ARHGAP15: variants seen among roughly 807,000 people sequenced by gnomAD.
ARHGAP15 encodes the protein rho GTPase-activating protein 15.
In ARHGAP15, 51 loss-of-function variants were observed where a neutral mutation model predicts 63.7. The ratio of observed to expected loss-of-function variants is 0.80; its 90% confidence interval spans 0.64 to 1.01. ARHGAP15 has a LOEUF of 1.01. Ranked by LOEUF, ARHGAP15 falls within the 50% of genes least tolerant of loss-of-function variation. The pLI is 0.00. For synonymous variants in ARHGAP15, 191 were observed against 193.8 expected, an observed-to-expected ratio of 0.99 and a Z score of 0.12; for missense variants, 560 against 564.6, an observed-to-expected ratio of 0.99 and a Z score of 0.08.
At chr2:143,736,418 C>T in intron 13 of ARHGAP15, among the ~76,000 whole-genome samples, 1 of 145,772 alleles carries the variant, frequency 6.9e-6, no homozygotes, top group South Asian at 2.1e-4. Flanking sequence ...AGCAAAAAAA[C>T]AAACAACACA....
intron 5 of ARHGAP15, among the ~76,000 whole-genome samples, chr2:143,234,429 C>T (rs1037299988): frequency 6.6e-6 from 1 of 152,066 alleles, no homozygotes; most frequent in Non-Finnish European, 1.5e-5. Context: ...GGGAGGCACT[C>T]TGAGGCCTAG....
At chr2:143,439,293 AG>A (rs1689758348) in intron 8 of ARHGAP15, among the ~76,000 whole-genome samples, 1 of 151,132 alleles carries the variant, frequency 6.6e-6, no homozygotes, top group African/African-American at 2.4e-5. Context: ...CATGGTGGCG[AG>A]CACCTGTAAT....
intron 6 of ARHGAP15, among the ~76,000 whole-genome samples, chr2:143,383,948 G>A (rs1433478235): frequency 6.6e-6 from 1 of 152,144 alleles, no homozygotes. Flanking sequence ...AGGTATTGGA[G>A]AGAAAACTAA....
At chr2:143,469,698 GAA>G (rs1691423275) in intron 8 of ARHGAP15, among the ~76,000 whole-genome samples, 4 of 152,200 alleles carry the variant, frequency 2.6e-5, no homozygotes, top group African/African-American at 9.6e-5. Context: ...TTAGTACAAT[GAA>G]AAGGATATGA....
At chr2:143,481,968 A>G (rs936716906) in intron 8 of ARHGAP15, among the ~76,000 whole-genome samples, 2 of 152,126 alleles carry the variant, frequency 1.3e-5, no homozygotes, top group African/African-American at 2.4e-5. Context: ...TGAATTGCCT[A>G]TTGTTATTGA....
At chr2:143,584,825 T>C (rs1045939650) in intron 11 of ARHGAP15, among the ~76,000 whole-genome samples, 3 of 152,158 alleles carry the variant, frequency 2.0e-5, no homozygotes, top group African/African-American at 7.2e-5. Context: ...GTGCAAGATT[T>C]TTGATCTACA....
chr2:143,143,393 A>T (rs1373302673), intron 1 of ARHGAP15, among the ~76,000 whole-genome samples: 1 of 150,520 alleles, frequency 6.6e-6, no homozygotes, highest in South Asian at 2.1e-4. Context: ...AAAGAAAAGG[A>T]TTGAAAAACT....
intron 12 of ARHGAP15, among the ~76,000 whole-genome samples, chr2:143,669,741 A>G (rs992938013): frequency 5.9e-5 from 9 of 152,166 alleles, no homozygotes; most frequent in African/African-American, 1.7e-4. Flanking sequence ...CCTAGAAAAT[A>G]TATTTTATAA....
chr2:143,477,183 C>T (rs1402073794), intron 8 of ARHGAP15, among the ~76,000 whole-genome samples: 4 of 147,124 alleles, frequency 2.7e-5, no homozygotes, highest in Non-Finnish European at 4.5e-5. Flanking sequence ...CACACACACA[C>T]ATGCTCGCAC....
chr2:143,249,821 G>A (rs955890824), intron 5 of ARHGAP15, among the ~76,000 whole-genome samples: 3 of 151,950 alleles, frequency 2.0e-5, no homozygotes, highest in African/African-American at 7.3e-5. Context: ...GTAATAGGAA[G>A]CACACATTTT....
At chr2:143,381,481 G>C (rs1167265499) in intron 6 of ARHGAP15, among the ~76,000 whole-genome samples, 4 of 152,090 alleles carry the variant, frequency 2.6e-5, no homozygotes, top group Non-Finnish European at 5.9e-5. Context: ...GGCAGTTGTT[G>C]TCAGGGTTAA....
At chr2:143,677,074 T>C (rs149877138) in intron 12 of ARHGAP15, among the ~76,000 whole-genome samples, 234 of 152,334 alleles carry the variant, frequency 1.5e-3, no homozygotes, top group African/African-American at 5.2e-3. Context: ...TTTCAGTTTG[T>C]GTTATTGTGT....
At chr2:143,416,829 A>ACGC (rs1553477188) in intron 6 of ARHGAP15, among the ~76,000 whole-genome samples, 1 of 104,770 alleles carries the variant, frequency 9.5e-6, no homozygotes, top group Admixed American at 9.6e-5. Flanking sequence ...CCACCCCCCC[A>ACGC]CCCCCACGCC....
At chr2:143,631,198 A>C (rs560050505) in intron 12 of ARHGAP15, among the ~76,000 whole-genome samples, 1 of 152,134 alleles carries the variant, frequency 6.6e-6, no homozygotes, top group Non-Finnish European at 1.5e-5. Flanking sequence ...TTATTTGAAG[A>C]TAACACAATT....
chr2:143,605,395 G>A (rs1697949269), intron 11 of ARHGAP15, among the ~76,000 whole-genome samples: 1 of 152,008 alleles, frequency 6.6e-6, no homozygotes, highest in East Asian at 1.9e-4. Context: ...CTATTCTGCT[G>A]GGACTGACAC....
chr2:143,383,338 T>G (rs913221963), intron 6 of ARHGAP15, among the ~76,000 whole-genome samples: 1 of 152,206 alleles, frequency 6.6e-6, no homozygotes, highest in African/African-American at 2.4e-5. Flanking sequence ...TTGGCTCACT[T>G]ATATAAGGTT....
At chr2:143,273,275 TAAAA>T (rs983880855) in intron 6 of ARHGAP15, among the ~76,000 whole-genome samples, 4 of 151,590 alleles carry the variant, frequency 2.6e-5, no homozygotes, top group Non-Finnish European at 4.4e-5. Flanking sequence ...ACAAATTAGT[TAAAA>T]AAAAATTCAA....
intron 13 of ARHGAP15, among the ~76,000 whole-genome samples, chr2:143,763,552 T>A (rs1178584310): frequency 6.6e-6 from 1 of 151,834 alleles, no homozygotes; most frequent in Non-Finnish European, 1.5e-5. Context: ...TCTTCACACA[T>A]GAACTACTGT....
intron 6 of ARHGAP15, among the ~76,000 whole-genome samples, chr2:143,415,090 C>T (rs1322761736): frequency 6.6e-6 from 1 of 152,024 alleles, no homozygotes; most frequent in Non-Finnish European, 1.5e-5. Context: ...ATCTTGTTGA[C>T]CAAGTGAAAT....
Sources: gnomAD v4.1 joint callset for allele counts (sites outside exome capture counted in the v4.1 genomes callset) on GRCh38, gnomAD v4.1.1 for gene constraint, MANE v1.5 for transcripts, NCBI Gene and HGNC (gene_info 2026-07-23, HGNC 2026-07-21) for gene names.